The following MAPKAPK2 variants were observed in gnomAD, a reference collection of about 807,000 sequenced individuals.
The protein encoded by MAPKAPK2 is MAPK activated protein kinase 2.
Under a neutral mutation model 48.8 loss-of-function variants are expected in MAPKAPK2, and 9 were observed. That is an observed-to-expected ratio of 0.18 (90% CI 0.11 to 0.32). The LOEUF is 0.32. MAPKAPK2 is among the 10% of genes least tolerant of loss of function. The pLI, the probability that MAPKAPK2 is intolerant of heterozygous loss-of-function variation, is 1.00. For synonymous variants in MAPKAPK2, 202 were observed against 190.6 expected (o/e 1.06, Z -0.49); for missense variants, 331 against 498.3 (o/e 0.66, Z 3.20).
chr1:206,727,256 C>A (rs1270828039), intron 1 of MAPKAPK2, among the ~76,000 whole-genome samples: 2 of 152,136 alleles, frequency 1.3e-5, no homozygotes, highest in African/African-American at 4.8e-5. Context: ...CTGTGAGGTG[C>A]TTTGTGGAAA....
In MAPKAPK2 at chr1:206,730,112, G is replaced by A. The variant is rs1673853735; in HGVS notation, c.691+14G>A. 2 of 1,614,024 alleles carry A rather than the reference G, an allele frequency of 1.2e-6. No homozygotes were observed. The highest frequency in any genetic ancestry group is 1.3e-5 in the African/African-American group (1 of 75,024). ...CGTACTATGTGGGTAAGTCCACAGG[G>A]GGCCCAGGGACCTAGGCTTTTCCCA... On this transcript the variant is annotated intron_variant, in intron 5 of 9. Coordinates refer to ENST00000367103, the MANE Select transcript of MAPKAPK2 (RefSeq NM_032960.4).
At chr1:206,687,318 CGA>C (rs1672318060) in intron 1 of MAPKAPK2, among the ~76,000 whole-genome samples, 1 of 152,150 alleles carries the variant, frequency 6.6e-6, no homozygotes, top group African/African-American at 2.4e-5. Flanking sequence ...TTGTAACTAA[CGA>C]GAGAGAGGTT....
chr1:206,701,742 G>C (rs918313366), intron 1 of MAPKAPK2, among the ~76,000 whole-genome samples: 1 of 149,984 alleles, frequency 6.7e-6, no homozygotes, highest in Non-Finnish European at 1.5e-5. Context: ...GCTGAGGTGG[G>C]AGGATCACTT....
intron 1 of MAPKAPK2, among the ~76,000 whole-genome samples, chr1:206,722,981 G>A (rs1673578973): frequency 1.3e-5 from 2 of 152,382 alleles, no homozygotes; most frequent in South Asian, 2.1e-4. Context: ...CCTCCTGGGA[G>A]TGAAGAGGAG....
chr1:206,723,444 A>G (rs1673605496), intron 1 of MAPKAPK2, among the ~76,000 whole-genome samples: 1 of 152,200 alleles, frequency 6.6e-6, no homozygotes, highest in Non-Finnish European at 1.5e-5. Context: ...TTACTGTCCT[A>G]TTAATGGGTA....
intron 1 of MAPKAPK2, among the ~76,000 whole-genome samples, chr1:206,692,995 C>T (rs1672504021): frequency 6.6e-6 from 1 of 152,196 alleles, no homozygotes; most frequent in South Asian, 2.1e-4. Flanking sequence ...GGTGAAGTCT[C>T]TCTGAGGGGA....
chr1:206,692,210 TG>T (rs35906635), intron 1 of MAPKAPK2, among the ~76,000 whole-genome samples: 19,338 of 152,160 alleles, frequency 0.13, 1,713 homozygotes, highest in East Asian at 0.49. Flanking sequence ...TCTTTGTGTG[TG>T]GCTGGGTTCT....
chr1:206,689,715 C>T (rs1672396053), intron 1 of MAPKAPK2, among the ~76,000 whole-genome samples: 1 of 152,154 alleles, frequency 6.6e-6, no homozygotes. Flanking sequence ...ACTACCCTCA[C>T]ATAGCTAATT....
Position 206,731,802 on chromosome 1 carries a change from C to T in MAPKAPK2, c.979-37C>T, listed in dbSNP as rs781790805. On this transcript the variant is annotated intron_variant, in intron 8 of 9. Transcript: ENST00000367103. The surrounding 1 kb of genome is among the most constrained non-coding windows in gnomAD (Gnocchi z 5.9). ...ACAGAGTCTTAGCCAGGACCCTACC[C>T]CAGGCTTTCACTCGGACCCCTTTTC... The T allele has an allele frequency of 5.5e-5, 88 of 1,612,764 alleles. No homozygotes were observed. Among genetic ancestry groups the T allele is most frequent in the Middle Eastern group, 3.3e-4 (2 of 6,082 alleles).
chr1:206,688,128 A>G (rs1164516877), intron 1 of MAPKAPK2, among the ~76,000 whole-genome samples: 1 of 152,082 alleles, frequency 6.6e-6, no homozygotes, highest in Non-Finnish European at 1.5e-5. Flanking sequence ...ACCTCACCTC[A>G]CCATCTCTCC....
rs1373509682 is a variant in MAPKAPK2, at chr1:206,704,516, C to A, written c.279+19008C>A. Among the ~76,000 whole-genome samples the A allele has an allele frequency of 6.6e-6, 1 of 152,136 alleles. No individual in the cohort carries two copies. The highest frequency in any genetic ancestry group is 6.5e-5 in the Admixed American group (1 of 15,282). ...ACCCAACTTCCTTTATAGCCGGATA[C>A]AAAACAGTGCCTGAGGTCCAGGGTC... is the stretch of plus-strand genomic sequence containing the variant. On this transcript the variant is annotated intron_variant, in intron 1 of 9. Transcript: ENST00000367103. The surrounding 1 kb of genome is among the most constrained non-coding windows in gnomAD (Gnocchi z 4.3).
chr1:206,688,368 C>T (rs1347123592), intron 1 of MAPKAPK2, among the ~76,000 whole-genome samples: 1 of 152,214 alleles, frequency 6.6e-6, no homozygotes, highest in Non-Finnish European at 1.5e-5. Flanking sequence ...AACTGAGCCA[C>T]GGGCTCAGGC....
Position 206,696,685 on chromosome 1 carries a change from C to G in MAPKAPK2, c.279+11177C>G, listed in dbSNP as rs551916961. ...TGTCAGTGCACTCCAGCCTGGGTGA[C>G]AGAGCGAGACCCCGTCTCTGAAAAA... On this transcript the variant is annotated intron_variant, in intron 1 of 9. Transcript: ENST00000367103. 1.9e-4 allele frequency among the ~76,000 whole-genome samples: 29 copies of G among 152,324 alleles called. No homozygotes were observed. The South Asian group carries it at 6.0e-3, about 32-fold the overall frequency.
chr1:206,694,420 G>A (rs1553426712), intron 1 of MAPKAPK2, among the ~76,000 whole-genome samples: 2 of 152,348 alleles, frequency 1.3e-5, no homozygotes, highest in South Asian at 4.1e-4. Flanking sequence ...CCATTGGCCT[G>A]TGCAGAGGAA....
intron 1 of MAPKAPK2, chr1:206,696,003 A>T: frequency 1.3e-6 from 1 of 771,444 alleles, no homozygotes; most frequent in Admixed American, 1.8e-5. Context: ...TTCGATGTGT[A>T]GGGCAGTGAT....
At chr1:206,698,588 A>G (rs1189209709) in intron 1 of MAPKAPK2, among the ~76,000 whole-genome samples, 7 of 152,266 alleles carry the variant, frequency 4.6e-5, no homozygotes, top group African/African-American at 1.4e-4. Context: ...TCCCAGATTA[A>G]TAACAAGTCT....
rs1673848170 is a variant in MAPKAPK2, at chr1:206,729,987, T to C, written c.580T>C (p.Tyr194His). 6.2e-7 allele frequency: 1 copy of C among 1,614,234 alleles called. No homozygotes were observed. Among genetic ancestry groups the C allele is most frequent in the Non-Finnish European group, 8.5e-7 (1 of 1,180,042 alleles). ...HRDVKPENLL[Y>H]TSKRPNAILK... ...CTTTCTGTAGCCTGAGAATCTCTTATACACCTCCAAAAGGCCCAACGCCAT... is the reference window on the plus strand; with the variant it reads ...CTTTCTGTAGCCTGAGAATCTCTTACACACCTCCAAAAGGCCCAACGCCAT... The change falls in exon 5 of 10, where the codon TAC (tyrosine) becomes CAC (histidine). Residue 194 changes from tyrosine (Y) to histidine (H), a missense_variant. Tyr to His is a moderately conservative substitution (Grantham distance 83). Coordinates refer to ENST00000367103, the MANE Select transcript of MAPKAPK2 (RefSeq NM_032960.4).
chr1:206,695,490 C>T (rs1461408481), intron 1 of MAPKAPK2, among the ~76,000 whole-genome samples: 2 of 140,472 alleles, frequency 1.4e-5, no homozygotes, highest in African/African-American at 5.4e-5. Flanking sequence ...TTTTTTTTCT[C>T]CCCAGCTTAA....
At chr1:206,691,986 C>T (rs1672476511) in intron 1 of MAPKAPK2, among the ~76,000 whole-genome samples, 1 of 152,202 alleles carries the variant, frequency 6.6e-6, no homozygotes, top group African/African-American at 2.4e-5. Flanking sequence ...GGGTGTGCAT[C>T]TTCTCTTTCC....
Sources: allele counts gnomAD v4.1 joint callset (sites outside exome capture counted in the v4.1 genomes callset), GRCh38; gene constraint gnomAD v4.1.1; non-coding constraint Gnocchi (gnomAD v3.1); transcripts MANE v1.5; gene names NCBI Gene and HGNC (gene_info 2026-07-23, HGNC 2026-07-21).